ATP10B: variants seen among roughly 807,000 people sequenced by gnomAD.
ATP10B encodes the protein phospholipid-transporting ATPase VB.
Under a neutral mutation model 141.2 loss-of-function variants are expected in ATP10B, and 122 were observed. The observed-to-expected ratio is 0.86, with a 90% CI of 0.75 to 1.00. The LOEUF (loss-of-function observed/expected upper bound fraction) is 1.00. ATP10B is among the 50% of genes least tolerant of loss of function. The pLI is 0.00. For synonymous variants in ATP10B, 685 were observed against 692.0 expected, an observed-to-expected ratio of 0.99 and a Z score of 0.16; for missense variants, 1,876 against 1,825.3, an observed-to-expected ratio of 1.03 and a Z score of -0.51.
At chr5:160,698,550 A>G (rs761096996) in intron 3 of ATP10B, among the ~76,000 whole-genome samples, 2 of 152,208 alleles carry the variant, frequency 1.3e-5, no homozygotes, top group Non-Finnish European at 2.9e-5. Context: ...GATCTTTCAC[A>G]CACTGGTGTG....
chr5:160,789,453 G>T (rs1331020656), intron 1 of ATP10B, among the ~76,000 whole-genome samples: 1 of 152,070 alleles, frequency 6.6e-6, no homozygotes, highest in East Asian at 1.9e-4. Context: ...AATACTGTAG[G>T]TCATTGTAAC....
intron 24 of ATP10B, among the ~76,000 whole-genome samples, chr5:160,571,725 T>C (rs1754887043): frequency 6.6e-6 from 1 of 152,212 alleles, no homozygotes; most frequent in Non-Finnish European, 1.5e-5. Flanking sequence ...TGGGCACTGC[T>C]AATCTTGAGG....
At chr5:160,919,337 G>A in the ATP10B span, among the ~76,000 whole-genome samples, 1 of 147,494 alleles carries the variant, frequency 6.8e-6, no homozygotes, top group Non-Finnish European at 1.5e-5. Context: ...CATCTGCTTT[G>A]TACTAGGCCC....
chr5:160,919,071 AAAATTAGCCG>A, the ATP10B span, among the ~76,000 whole-genome samples: 1 of 149,908 alleles, frequency 6.7e-6, no homozygotes, highest in Admixed American at 6.6e-5. Flanking sequence ...TAAAAATACA[AAAATTAGCCG>A]GGCATGGTGG....
chr5:160,757,901 T>C (rs1329597440), intron 2 of ATP10B, among the ~76,000 whole-genome samples: 2 of 152,164 alleles, frequency 1.3e-5, no homozygotes, highest in Non-Finnish European at 2.9e-5. Flanking sequence ...CATTCTGGCC[T>C]CTACCCATGA....
chr5:160,780,812 T>TA (rs1391113801), intron 2 of ATP10B, among the ~76,000 whole-genome samples: 5 of 152,228 alleles, frequency 3.3e-5, no homozygotes, highest in African/African-American at 1.2e-4. Context: ...AGGGAGGCTT[T>TA]TTCCTTTGAT....
chr5:160,890,344 G>A, the ATP10B span, among the ~76,000 whole-genome samples: 2 of 152,074 alleles, frequency 1.3e-5, no homozygotes, highest in Non-Finnish European at 2.9e-5. Context: ...ACAAATCGTG[G>A]CATTTAGTAC....
chr5:160,653,444 ATAGG>A (rs531919944), intron 7 of ATP10B, among the ~76,000 whole-genome samples: 607 of 47,348 alleles, frequency 0.013, 241 homozygotes, highest in African/African-American at 0.051. Context: ...ACATACATAC[ATAGG>A]TAGTATATAT....
chr5:160,879,699 G>T, the ATP10B span, among the ~76,000 whole-genome samples: 6 of 151,978 alleles, frequency 3.9e-5, no homozygotes, highest in Admixed American at 6.6e-5. Context: ...TTAGCCGGGC[G>T]TGGTAGCGGG....
At chr5:160,605,861 G>C (rs1409216928) in intron 19 of ATP10B, among the ~76,000 whole-genome samples, 1 of 152,196 alleles carries the variant, frequency 6.6e-6, no homozygotes, top group Non-Finnish European at 1.5e-5. Context: ...AGGAACTCAT[G>C]GTCTACTGAG....
chr5:160,622,654 G>T (rs915712403), intron 13 of ATP10B, 69 bp from the exon 14 acceptor site: 1 of 1,397,896 alleles, frequency 7.2e-7, no homozygotes, highest in Non-Finnish European at 9.8e-7. Context: ...ATCTTCACAT[G>T]CCTGGGGAAA....
rs187483435 is a variant in ATP10B, at chr5:160,826,455, T to C, written c.-576+25486A>G. The stretch of plus-strand genomic sequence containing the variant: ...CTTTAATCTCTTAATCCTTTTATCT[T>C]CGTAAGCTGAGGATGTACGTCTCCT... On this transcript the variant is annotated intron_variant, in intron 1 of 25. Coordinates refer to ENST00000327245, the MANE Select transcript of ATP10B (RefSeq NM_025153.3). Among the ~76,000 whole-genome samples the C allele has an allele frequency of 3.9e-5, 6 of 152,312 alleles. No individual in the cohort carries two copies. In the East Asian group the frequency reaches 1.2e-3, roughly 29 times the overall value.
At chr5:160,701,498 A>G (rs763898720) in intron 3 of ATP10B, among the ~76,000 whole-genome samples, 5 of 152,142 alleles carry the variant, frequency 3.3e-5, no homozygotes, top group Non-Finnish European at 7.4e-5. Context: ...ATCCCATTTT[A>G]GCCCTTAGTT....
intron 1 of ATP10B, among the ~76,000 whole-genome samples, chr5:160,848,923 C>CATAT (rs1753619766): frequency 6.6e-6 from 1 of 152,192 alleles, no homozygotes; most frequent in African/African-American, 2.4e-5. Flanking sequence ...CACTGCAGTA[C>CATAT]ATATAGTAAC....
intron 1 of ATP10B, among the ~76,000 whole-genome samples, chr5:160,802,937 TA>T (rs1772486280): frequency 6.6e-6 from 1 of 152,096 alleles, no homozygotes; most frequent in African/African-American, 2.4e-5. Context: ...GGAGGGGAGA[TA>T]ATTGGGGGAC....
intron 6 of ATP10B, chr5:160,685,490 A>C (rs1180988964): frequency 3.3e-6 from 1 of 303,470 alleles, no homozygotes; most frequent in African/African-American, 2.2e-5. Flanking sequence ...TGGGCAGCCA[A>C]GAACAGGTGT....
chr5:160,653,213 T>C (rs1761044144), intron 7 of ATP10B, among the ~76,000 whole-genome samples: 1 of 134,988 alleles, frequency 7.4e-6, no homozygotes, highest in Non-Finnish European at 1.5e-5. Flanking sequence ...ATACTATATA[T>C]CATATATACA....
intron 6 of ATP10B, among the ~76,000 whole-genome samples, chr5:160,683,762 G>A (rs1763576046): frequency 6.6e-6 from 1 of 152,182 alleles, no homozygotes; most frequent in South Asian, 2.1e-4. Context: ...GCTGCCAACT[G>A]CTAGCTCTGA....
intron 22 of ATP10B, among the ~76,000 whole-genome samples, chr5:160,595,903 G>A (rs533031454): frequency 1.3e-5 from 2 of 151,674 alleles, no homozygotes; most frequent in African/African-American, 2.4e-5. Flanking sequence ...ATAATCAATA[G>A]CTTACCAACC....
Sources: allele counts gnomAD v4.1 joint callset (sites outside exome capture counted in the v4.1 genomes callset), GRCh38; gene constraint gnomAD v4.1.1; transcripts MANE v1.5; gene names NCBI Gene and HGNC (gene_info 2026-07-23, HGNC 2026-07-21).